OLFML2B: variants seen among roughly 807,000 people sequenced by gnomAD.
OLFML2B encodes olfactomedin like 2B, also known as olfactomedin-like protein 2B.
In OLFML2B, 57 loss-of-function variants were observed where a neutral mutation model predicts 74.9. The ratio of observed to expected loss-of-function variants is 0.76; its 90% confidence interval spans 0.61 to 0.95. OLFML2B has a LOEUF of 0.95. Among genes scored for constraint, OLFML2B ranks in the 40% least tolerant of loss-of-function variants. OLFML2B has a pLI of 0.00. For missense variants in OLFML2B, 986 were observed against 970.6 expected (o/e 1.02, Z -0.21); for synonymous variants, 388 against 405.8 (o/e 0.96, Z 0.53).
At position 161,993,953 on chromosome 1, in the gene OLFML2B, A is replaced by G. The variant is rs370865832; in HGVS notation, c.1474+3872T>C. On this transcript the variant is annotated intron_variant, in intron 6 of 7. Coordinates refer to ENST00000294794, the MANE Select transcript of OLFML2B (RefSeq NM_015441.3). ...GGATCTTTGCAGCCGAGCACGCTGT[A>G]GTGGTAGATGAATTATTAATACTAG... 2.0e-4 allele frequency among the ~76,000 whole-genome samples: 30 copies of G among 152,346 alleles called. No individual in the cohort carries two copies. The East Asian group carries it at 2.9e-3, about 15-fold the overall frequency.
intron 4 of OLFML2B, among the ~76,000 whole-genome samples, chr1:162,001,206 C>T (rs1690071669): frequency 6.6e-6 from 1 of 152,186 alleles, no homozygotes; most frequent in Non-Finnish European, 1.5e-5. Flanking sequence ...ATCAATCTTC[C>T]CCAAGCCTCA....
chr1:162,020,574 T>G (rs933601761), intron 1 of OLFML2B, among the ~76,000 whole-genome samples: 1 of 151,946 alleles, frequency 6.6e-6, no homozygotes, highest in African/African-American at 2.4e-5. Context: ...TTGCCCAGAC[T>G]GGAGTGCAGT....
intron 1 of OLFML2B, among the ~76,000 whole-genome samples, chr1:162,021,969 AGTG>A (rs935275290): frequency 6.6e-6 from 1 of 152,168 alleles, no homozygotes; most frequent in African/African-American, 2.4e-5. Context: ...TGAGGAGGCT[AGTG>A]TTTGATAAAT....
intron 3 of OLFML2B, among the ~76,000 whole-genome samples, chr1:162,010,415 C>T (rs116117577): frequency 0.012 from 1,874 of 152,294 alleles, 27 homozygotes; most frequent in Middle Eastern, 0.058. Context: ...AGAGAACGTG[C>T]AAACAAGGCA....
At chr1:161,992,367 A>ATTTT (rs1689765934) in intron 6 of OLFML2B, among the ~76,000 whole-genome samples, 1 of 152,244 alleles carries the variant, frequency 6.6e-6, no homozygotes, top group African/African-American at 2.4e-5. Context: ...GACCACTACA[A>ATTTT]CTTTCTCCAT....
At chr1:161,988,410 G>A (rs974648159) in intron 6 of OLFML2B, among the ~76,000 whole-genome samples, 15 of 152,202 alleles carry the variant, frequency 9.9e-5, no homozygotes, top group Admixed American at 3.3e-4. Context: ...GTCCTTGGGC[G>A]TCTGCTCCCC....
At chr1:162,019,061 T>C (rs1317758664) in intron 2 of OLFML2B, among the ~76,000 whole-genome samples, 2 of 152,214 alleles carry the variant, frequency 1.3e-5, no homozygotes, top group Non-Finnish European at 2.9e-5. Flanking sequence ...ACTCCTGATA[T>C]TGGTAAACAC....
In OLFML2B at chr1:161,997,849, C is replaced by G. The variant is rs1689956332; in HGVS notation, c.1450G>C (p.Glu484Gln). 3 of 1,613,448 alleles carry G rather than the reference C, an allele frequency of 1.9e-6. No homozygotes were observed. The highest frequency in any genetic ancestry group is 1.6e-4 in the Middle Eastern group (1 of 6,082). Residue 484 changes from glutamate (E) to glutamine (Q), a missense_variant, in exon 6 of 8, where the codon GAA becomes CAA. Glu to Gln is a conservative substitution (Grantham distance 29). Transcript: ENST00000294794. ...PASPTLSPEE[E>Q]DDIRNVIGRC... is the part of the protein sequence containing the mutation. Reference sequence around the variant, plus strand: ...CCTATGACATTCCGGATGTCATCTTCTTCTTCGGGGCTCAGCGTGGGGCTG... The same window carrying G: ...CCTATGACATTCCGGATGTCATCTTGTTCTTCGGGGCTCAGCGTGGGGCTG...
intron 6 of OLFML2B, among the ~76,000 whole-genome samples, chr1:161,995,658 C>T (rs186201250): frequency 2.0e-5 from 3 of 152,306 alleles, no homozygotes; most frequent in Non-Finnish European, 4.4e-5. Context: ...TCCTGGCTAG[C>T]AAGTCACCGA....
At chr1:162,013,176 A>G (rs1558066625) in intron 3 of OLFML2B, among the ~76,000 whole-genome samples, 1 of 152,176 alleles carries the variant, frequency 6.6e-6, no homozygotes, top group Non-Finnish European at 1.5e-5. Context: ...TTTAACTCCT[A>G]TCTCTTCAGA....
intron 4 of OLFML2B, among the ~76,000 whole-genome samples, chr1:162,002,399 G>A (rs1690105423): frequency 6.6e-6 from 1 of 152,224 alleles, no homozygotes; most frequent in East Asian, 1.9e-4. Flanking sequence ...CAGAGCCCAT[G>A]TGGAAACAAA....
rs187486266 is a variant in OLFML2B at position 162,020,305 on chromosome 1, A to T, written c.175-123T>A. On this transcript the variant is annotated intron_variant, in intron 1 of 7. Coordinates refer to ENST00000294794, the MANE Select transcript of OLFML2B (RefSeq NM_015441.3). ...AGTCAGAGACCTCAGAAAACTCTGA[A>T]CCACAGAGCCAATAGGTCACTGAGA... 1.2e-4 allele frequency: 139 copies of T among 1,145,462 alleles called. 3 individuals carry two copies. In the East Asian group the frequency reaches 3.1e-3, roughly 26 times the overall value. 71.0% of individuals were successfully genotyped at this position (1,145,462 alleles called of 1,614,324 possible).
At position 162,006,391 on chromosome 1, in the gene OLFML2B, C is replaced by T; in HGVS notation, c.629G>A (p.Gly210Asp). The part of the protein sequence containing the change: ...EEIRTEMNKR[G>D]KENCSENILD... ...GATGTTTTCAGAGCAATTTTCTTTGCCTCGCTTATTCATCTCGGTTCGAAT... is the reference window on the plus strand; with the variant it reads ...GATGTTTTCAGAGCAATTTTCTTTGTCTCGCTTATTCATCTCGGTTCGAAT... Residue 210 changes from glycine to aspartate, a missense_variant, in exon 4 of 8, where the codon GGC becomes GAC. Physicochemically the swap from Gly to Asp is moderately conservative, Grantham distance 94. Transcript: ENST00000294794. 1 of 1,612,688 alleles carries T rather than the reference C, an allele frequency of 6.2e-7. No homozygotes were observed. The highest frequency in any genetic ancestry group is 8.5e-7 in the Non-Finnish European group (1 of 1,179,612).
In OLFML2B at chr1:161,997,891, A is replaced by G. The variant is rs2499836; in HGVS notation, c.1408T>C (p.Trp470Arg). The change falls in exon 6 of 8, where the codon TGG becomes CGG. Residue 470 changes from tryptophan to arginine, a missense_variant. Trp to Arg is a moderately radical substitution (Grantham distance 101, BLOSUM62 -3). Transcript: ENST00000294794. The stretch of plus-strand genomic sequence containing the variant: ...GTGGGGCTGGCAGGGGTTGTTCCCC[A>G]CCCAGCAGGAGCATCTTTCCCCAGC... ...DSLGKDAPAGWGTTPASPTLS... is the reference protein window; with the variant it reads ...DSLGKDAPAGRGTTPASPTLS... The G allele has an allele frequency of 0.67, 1,074,348 of 1,613,878 alleles. 358,953 individuals are homozygous for G. The highest frequency in any genetic ancestry group is 0.72 in the Middle Eastern group (4,370 of 6,062).
chr1:161,990,526 C>T (rs1021102813), intron 6 of OLFML2B, among the ~76,000 whole-genome samples: 3 of 151,904 alleles, frequency 2.0e-5, no homozygotes, highest in Non-Finnish European at 4.4e-5. Context: ...AATGTATACA[C>T]CTTAATTTAA....
chr1:161,990,616 G>C (rs1689710069), intron 6 of OLFML2B, among the ~76,000 whole-genome samples: 1 of 152,212 alleles, frequency 6.6e-6, no homozygotes, highest in Admixed American at 6.5e-5. Context: ...GGAGGGTCTT[G>C]CCTCGATGTT....
intron 2 of OLFML2B, among the ~76,000 whole-genome samples, chr1:162,017,732 C>T (rs1690585291): frequency 6.6e-6 from 1 of 152,214 alleles, no homozygotes; most frequent in African/African-American, 2.4e-5. Context: ...GAGAGTCCTA[C>T]AAGAACAAGT....
intron 6 of OLFML2B, among the ~76,000 whole-genome samples, chr1:161,987,478 A>T (rs1047652771): frequency 5.3e-5 from 8 of 152,210 alleles, no homozygotes; most frequent in African/African-American, 1.7e-4. Context: ...CAATGTGATG[A>T]AAAAAGCAAA....
intron 3 of OLFML2B, among the ~76,000 whole-genome samples, chr1:162,014,061 T>C (rs1044971263): frequency 9.9e-5 from 15 of 152,042 alleles, no homozygotes; most frequent in Non-Finnish European, 1.5e-4. Flanking sequence ...AAAGTAAGGA[T>C]AAAGGTTCCC....
Sources: allele counts gnomAD v4.1 joint callset (sites outside exome capture counted in the v4.1 genomes callset), GRCh38; gene constraint gnomAD v4.1.1; transcripts MANE v1.5; gene names NCBI Gene and HGNC (gene_info 2026-07-23, HGNC 2026-07-21).